The following CNTNAP2 variants were observed in gnomAD, a reference collection of about 807,000 sequenced individuals.
CNTNAP2 encodes contactin associated protein 2.
CNTNAP2 carries 98 observed loss-of-function variants against 155.2 expected under a neutral mutation model. The ratio of observed to expected loss-of-function variants is 0.63; its 90% CI spans 0.54 to 0.75. The LOEUF (loss-of-function observed/expected upper bound fraction) is 0.75. Ranked by LOEUF, CNTNAP2 falls within the 30% of genes least tolerant of loss-of-function variation. The pLI is 0.00. For synonymous variants in CNTNAP2, 651 were observed against 631.2 expected (o/e 1.03, Z -0.47); for missense variants, 1,727 against 1,688.1 (o/e 1.02, Z -0.40).
chr7:148,171,434 A>T lies in CNTNAP2; in HGVS notation c.2774-808A>T, dbSNP rs543977737. Among the ~76,000 whole-genome samples, 5 of 152,334 alleles carry T rather than the reference A, an allele frequency of 3.3e-5. No homozygotes were observed. The South Asian group carries it at 1.0e-3, about 32-fold the overall frequency. ...ATACCAGCTGCTTTAAAAAGATTAT[A>T]GCTAAGAATACTATAGACACAATTA... On this transcript the variant is annotated intron_variant, in intron 17 of 23. Transcript: ENST00000361727.
At chr7:147,057,384 T>C (rs1204178667) in intron 4 of CNTNAP2, among the ~76,000 whole-genome samples, 1 of 152,182 alleles carries the variant, frequency 6.6e-6, no homozygotes, top group African/African-American at 2.4e-5. Flanking sequence ...TAATCTAGTT[T>C]TTCTTCTTCT....
At chr7:148,129,433 G>C (rs993858229) in intron 16 of CNTNAP2, among the ~76,000 whole-genome samples, 2 of 152,106 alleles carry the variant, frequency 1.3e-5, no homozygotes, top group East Asian at 1.9e-4. Flanking sequence ...CAACTAGGAG[G>C]GGGTGCAAAG....
chr7:147,120,824 T>C (rs1485994874), intron 5 of CNTNAP2, among the ~76,000 whole-genome samples, 155 bp from the exon 6 acceptor site: 1 of 152,044 alleles, frequency 6.6e-6, no homozygotes, highest in Non-Finnish European at 1.5e-5. Context: ...AAAGTATTTT[T>C]AAGTGTCGTT....
At chr7:146,415,775 A>C (rs1361845480) in intron 1 of CNTNAP2, among the ~76,000 whole-genome samples, 1 of 152,104 alleles carries the variant, frequency 6.6e-6, no homozygotes, top group Non-Finnish European at 1.5e-5. Context: ...TATTTTCGAT[A>C]AATTTAAAAA....
intron 1 of CNTNAP2, among the ~76,000 whole-genome samples, chr7:146,403,300 A>G (rs914871941): frequency 6.6e-6 from 1 of 152,172 alleles, no homozygotes; most frequent in African/African-American, 2.4e-5. Flanking sequence ...TCATATTCGG[A>G]TGACATAATT....
intron 13 of CNTNAP2, among the ~76,000 whole-genome samples, chr7:147,757,916 A>G (rs774418659): frequency 6.6e-6 from 1 of 152,224 alleles, no homozygotes; most frequent in Non-Finnish European, 1.5e-5. Context: ...CTGTTCTTGA[A>G]GTACATACGT....
chr7:146,956,803 G>C (rs568199873), intron 3 of CNTNAP2, among the ~76,000 whole-genome samples: 1 of 152,222 alleles, frequency 6.6e-6, no homozygotes, highest in Non-Finnish European at 1.5e-5. Flanking sequence ...ATATAAATGG[G>C]ATCACTGGAT....
At chr7:148,120,219 G>C (rs986546899) in intron 16 of CNTNAP2, among the ~76,000 whole-genome samples, 2 of 147,946 alleles carry the variant, frequency 1.4e-5, no homozygotes, top group Non-Finnish European at 3.0e-5. Context: ...GGGAGAGCAG[G>C]TGTTTCTACT....
chr7:146,531,898 T>C lies in CNTNAP2; in HGVS notation c.98-242373T>C, dbSNP rs142769665. Among the ~76,000 whole-genome samples, 57 of 152,016 alleles carry C rather than the reference T, an allele frequency of 3.7e-4. No homozygotes were observed. In the East Asian group the frequency reaches 7.2e-3, roughly 19 times the overall value. On this transcript the variant is annotated intron_variant, in intron 1 of 23. Transcript: ENST00000361727. ...TTGAGCACATGGGGGAAAGTACGTA[T>C]GAAGAAGCAGAAAGAGCACTATTTA...
intron 1 of CNTNAP2, among the ~76,000 whole-genome samples, chr7:146,308,521 A>T (rs977284990): frequency 3.9e-5 from 6 of 152,176 alleles, no homozygotes; most frequent in Non-Finnish European, 8.8e-5. Context: ...ATGAAGACAC[A>T]TGCACATGTA....
chr7:146,299,828 C>G (rs995101877), intron 1 of CNTNAP2, among the ~76,000 whole-genome samples: 7 of 152,042 alleles, frequency 4.6e-5, no homozygotes, highest in African/African-American at 1.7e-4. Flanking sequence ...GCATGGGAGG[C>G]TACCTTCTGA....
At chr7:148,076,025 G>A (rs1803477180) in intron 15 of CNTNAP2, among the ~76,000 whole-genome samples, 1 of 152,170 alleles carries the variant, frequency 6.6e-6, no homozygotes. Context: ...ACCTGTAAAG[G>A]AAGAATGTGG....
In CNTNAP2 at chr7:148,022,716, T is replaced by TGG. The variant is rs1369275076; in HGVS notation, c.2383+44727_2383+44728insGG. On this transcript the variant is annotated intron_variant, in intron 15 of 23. Transcript: ENST00000361727. ...TTGCTTTTTTGTTTGTTTGGTTGGT[T>TGG]TTTTTTTGGACTCTGCGAATGGATG... Among the ~76,000 whole-genome samples, 160 of 16,176 alleles carry TGG rather than the reference T, an allele frequency of 9.9e-3. 1 individual carries two copies. The highest frequency in any genetic ancestry group is 0.08 in the African/African-American group (156 of 1,960). 10.6% of individuals were successfully genotyped at this position (16,176 alleles called of 152,430 possible).
intron 4 of CNTNAP2, among the ~76,000 whole-genome samples, chr7:147,090,071 A>C (rs1800368618): frequency 6.6e-6 from 1 of 152,178 alleles, no homozygotes; most frequent in Admixed American, 6.5e-5. Context: ...AAGTCAGCAC[A>C]AATACAGAAC....
chr7:147,434,436 T>C (rs752009065), intron 10 of CNTNAP2, among the ~76,000 whole-genome samples: 9 of 152,236 alleles, frequency 5.9e-5, no homozygotes, highest in Non-Finnish European at 1.3e-4. Context: ...TGTATCTATT[T>C]CATTTTACTG....
At chr7:147,735,593 T>TAA (rs1563070448) in intron 13 of CNTNAP2, among the ~76,000 whole-genome samples, 1 of 151,658 alleles carries the variant, frequency 6.6e-6, no homozygotes, top group Non-Finnish European at 1.5e-5. Flanking sequence ...CTTTCTGTCT[T>TAA]GTTGATCTGT....
intron 1 of CNTNAP2, among the ~76,000 whole-genome samples, chr7:146,582,108 C>T (rs138812831): frequency 6.6e-6 from 1 of 152,228 alleles, no homozygotes; most frequent in East Asian, 1.9e-4. Context: ...GGTAATCAAT[C>T]TACCATCACA....
At chr7:148,188,238 T>C (rs1795150536) in intron 18 of CNTNAP2, among the ~76,000 whole-genome samples, 1 of 152,180 alleles carries the variant, frequency 6.6e-6, no homozygotes, top group Admixed American at 6.5e-5. Context: ...GCCATTCTAT[T>C]CTATTACAGC....
intron 8 of CNTNAP2, among the ~76,000 whole-genome samples, chr7:147,249,909 T>C (rs1385111147): frequency 6.6e-6 from 1 of 152,216 alleles, no homozygotes; most frequent in East Asian, 1.9e-4. Flanking sequence ...GCTTTCATGC[T>C]GCCTAAATCA....
Sources: gnomAD v4.1 joint callset for allele counts (sites outside exome capture counted in the v4.1 genomes callset) on GRCh38, gnomAD v4.1.1 for gene constraint, MANE v1.5 for transcripts, NCBI Gene and HGNC (gene_info 2026-07-23, HGNC 2026-07-21) for gene names.